CRB1: variants seen among roughly 807,000 people sequenced by gnomAD.
The protein encoded by CRB1 is crumbs cell polarity complex component 1, also known as protein crumbs homolog 1.
In CRB1, 83 loss-of-function variants were observed where a neutral mutation model predicts 120.0. The ratio of observed to expected loss-of-function variants is 0.69; its 90% CI spans 0.58 to 0.83. The LOEUF (loss-of-function observed/expected upper bound fraction) is 0.83. Among genes scored for constraint, CRB1 ranks in the 40% least tolerant of loss-of-function variants. The pLI is 0.00. For missense variants in CRB1, 1,699 were observed against 1,687.6 expected (o/e 1.01, Z -0.12); for synonymous variants, 625 against 612.5 (o/e 1.02, Z -0.30).
the CRB1 span, among the ~76,000 whole-genome samples, chr1:197,206,979 A>G: frequency 2.1e-3 from 327 of 152,244 alleles, 2 homozygotes; most frequent in African/African-American, 7.3e-3. Flanking sequence ...GCCTTTTATC[A>G]TTATATAATT....
chr1:197,268,910 G>T (rs928532537), intron 1 of CRB1, among the ~76,000 whole-genome samples: 13 of 152,088 alleles, frequency 8.5e-5, no homozygotes, highest in Admixed American at 2.0e-4. Flanking sequence ...ATAACTCTGT[G>T]TTGCAACATT....
intron 1 of CRB1, among the ~76,000 whole-genome samples, chr1:197,320,142 CT>C (rs1356157735): frequency 6.6e-6 from 1 of 152,188 alleles, no homozygotes; most frequent in Non-Finnish European, 1.5e-5. Flanking sequence ...TTCAAATAGC[CT>C]TAAAGATATG....
chr1:197,271,132 G>A (rs757639474), intron 1 of CRB1, among the ~76,000 whole-genome samples: 1 of 152,086 alleles, frequency 6.6e-6, no homozygotes. Flanking sequence ...CTGGAAGGTC[G>A]AGACTGCTGT....
intron 1 of CRB1, among the ~76,000 whole-genome samples, chr1:197,308,525 C>A (rs1657308796): frequency 6.6e-6 from 1 of 152,080 alleles, no homozygotes; most frequent in South Asian, 2.1e-4. Flanking sequence ...ATGAGCTAAT[C>A]TATATAAAAA....
chr1:197,247,508 T>C, the CRB1 span, among the ~76,000 whole-genome samples: 826 of 152,114 alleles, frequency 5.4e-3, 9 homozygotes, highest in African/African-American at 0.019. Flanking sequence ...AGAAAAAGAT[T>C]ATAAATACAG....
intron 5 of CRB1, among the ~76,000 whole-genome samples, chr1:197,392,575 C>A (rs148016942): frequency 1.3e-5 from 2 of 152,200 alleles, no homozygotes; most frequent in East Asian, 3.9e-4. Context: ...ATTGTTCAAT[C>A]TCAAGAAAAG....
intron 1 of CRB1, among the ~76,000 whole-genome samples, chr1:197,327,116 A>C (rs1424702500): frequency 9.5e-5 from 13 of 136,984 alleles, no homozygotes; most frequent in African/African-American, 2.8e-4. Flanking sequence ...AAAAAAAAAA[A>C]AAAAAAAAAA....
At chr1:197,350,029 A>G (rs946719640) in intron 4 of CRB1, among the ~76,000 whole-genome samples, 3 of 150,614 alleles carry the variant, frequency 2.0e-5, no homozygotes, top group East Asian at 3.9e-4. Context: ...GAACCCGGGA[A>G]GCGGAGCTTG....
chr1:197,210,196 A>ATGGT, the CRB1 span, among the ~76,000 whole-genome samples: 1 of 152,204 alleles, frequency 6.6e-6, no homozygotes, highest in Non-Finnish European at 1.5e-5. Flanking sequence ...AACAACTGTG[A>ATGGT]TGGTTCATTT....
In CRB1 at chr1:197,316,765, C is replaced by A. The variant is rs190932054; in HGVS notation, c.71-11657C>A. ...TACATGGAGAACACCCCAATGACTT[C>A]ACCAAAAAACCATTAAAATTAATAA... On this transcript the variant is annotated intron_variant, in intron 1 of 11. Coordinates refer to ENST00000367400, the MANE Select transcript of CRB1 (RefSeq NM_201253.3). Among the ~76,000 whole-genome samples the A allele has an allele frequency of 5.3e-3, 808 of 152,032 alleles. 4 individuals are homozygous for A. Among genetic ancestry groups the A allele is most frequent in the Non-Finnish European group, 7.7e-3 (521 of 67,962 alleles).
At chr1:197,477,544 A>G (rs1667247643) in intron 11 of CRB1, 120 bp from the exon 12 acceptor site, 1 of 835,100 alleles carries the variant, frequency 1.2e-6, no homozygotes, top group Non-Finnish European at 2.1e-6. Context: ...TGGTCTTTTT[A>G]CAGTACTGAG....
intron 5 of CRB1, among the ~76,000 whole-genome samples, chr1:197,386,139 T>C (rs1662206420): frequency 6.6e-6 from 1 of 152,036 alleles, no homozygotes; most frequent in African/African-American, 2.4e-5. Flanking sequence ...TGAAATCACA[T>C]ACCCCTGGAT....
intron 1 of CRB1, among the ~76,000 whole-genome samples, chr1:197,281,745 C>T (rs185450756): frequency 1.3e-5 from 2 of 151,626 alleles, no homozygotes; most frequent in Admixed American, 6.6e-5. Flanking sequence ...GGGAGGATAG[C>T]GAAGAATGAT....
At chr1:197,287,155 A>G (rs1655875596) in intron 1 of CRB1, among the ~76,000 whole-genome samples, 1 of 151,936 alleles carries the variant, frequency 6.6e-6, no homozygotes, top group Non-Finnish European at 1.5e-5. Flanking sequence ...TAGAAAATAA[A>G]GTAATATGCT....
In CRB1 at chr1:197,328,943, G is replaced by A. The variant is rs1658694943; in HGVS notation, c.592G>A (p.Glu198Lys). ...ATGTGCTTCAGATCCCTGCAAGAAC[G>A]AGGCTACATGCCTCAATGAAATAGG... ...DECASDPCKN[E>K]ATCLNEIGRY... is the part of the protein sequence containing the mutation. Residue 198 changes from glutamate (E) to lysine (K), a missense_variant, in exon 2 of 12, where the codon GAG becomes AAG. Glu to Lys is a moderately conservative substitution (Grantham distance 56). Coordinates refer to ENST00000367400, the MANE Select transcript of CRB1 (RefSeq NM_201253.3). The A allele has an allele frequency of 2.5e-6, 4 of 1,614,200 alleles. No homozygotes were observed. The highest frequency in any genetic ancestry group is 2.5e-6 in the Non-Finnish European group (3 of 1,180,034).
Position 197,476,395 on chromosome 1 carries a change from T to C in CRB1, c.4006-1269T>C, listed in dbSNP as rs1387488997. Reference sequence around the variant, plus strand: ...GTGTGTGTGTGTGTGTGTGTGTGTGTGTGCGCGTCTTCCTCTTCTCCTATC... The same window carrying C: ...GTGTGTGTGTGTGTGTGTGTGTGTGCGTGCGCGTCTTCCTCTTCTCCTATC... On this transcript the variant is annotated intron_variant, in intron 11 of 11. Transcript: ENST00000367400. Among the ~76,000 whole-genome samples, 7 of 142,348 alleles carry C rather than the reference T, an allele frequency of 4.9e-5. No homozygotes were observed. In the South Asian group the frequency reaches 7.8e-4, roughly 16 times the overall value. The allele number at this position is 142,348 out of a possible 152,430, so 93.4% of individuals were successfully genotyped here.
At chr1:197,246,400 G>A in the CRB1 span, among the ~76,000 whole-genome samples, 14 of 151,888 alleles carry the variant, frequency 9.2e-5, no homozygotes, top group African/African-American at 2.7e-4. Flanking sequence ...TGGCATTTCT[G>A]GGTTGCTGGC....
chr1:197,413,090 A>T (rs1194695124), intron 5 of CRB1, among the ~76,000 whole-genome samples: 1 of 152,142 alleles, frequency 6.6e-6, no homozygotes, highest in Non-Finnish European at 1.5e-5. Flanking sequence ...AATTTTAGGG[A>T]GTATGGTAGT....
chr1:197,419,290 T>G (rs1167322330), intron 5 of CRB1, among the ~76,000 whole-genome samples: 1 of 151,976 alleles, frequency 6.6e-6, no homozygotes, highest in Non-Finnish European at 1.5e-5. Context: ...AAATAAGACA[T>G]GCATATTAAT....
Sources: gnomAD v4.1 joint callset for allele counts (sites outside exome capture counted in the v4.1 genomes callset) on GRCh38, gnomAD v4.1.1 for gene constraint, MANE v1.5 for transcripts, NCBI Gene and HGNC (gene_info 2026-07-23, HGNC 2026-07-21) for gene names.